SDK1: variants seen among roughly 807,000 people sequenced by gnomAD.
SDK1 encodes protein sidekick-1.
In SDK1, 157 loss-of-function variants were observed where a neutral mutation model predicts 245.5. That is an observed-to-expected ratio of 0.64 (90% CI 0.56 to 0.73). The LOEUF is 0.73. SDK1 is among the 30% of genes least tolerant of loss of function. The probability of loss-of-function intolerance (pLI) is 0.00; values close to 1 mark genes in which losing one functional copy is unlikely to be tolerated. For synonymous variants in SDK1, 1,647 were observed against 1,278.5 expected (o/e 1.29, Z -6.15); for missense variants, 3,583 against 3,002.3 (o/e 1.19, Z -4.52).
In SDK1 at chr7:4,208,259, C is replaced by G. The variant is rs768218051; in HGVS notation, c.5375C>G (p.Pro1792Arg). Reference sequence around the variant, plus strand: ...GCCGGAGATGGACCTAAGAGTGACCCCCAGCAGGGGCGCACCCACCAGGCC... The same window carrying G: ...GCCGGAGATGGACCTAAGAGTGACCGCCAGCAGGGGCGCACCCACCAGGCC... ...NAAGDGPKSD[P>R]QQGRTHQAAP... Residue 1792 changes from proline to arginine, a missense_variant, in exon 37 of 45, where the codon CCC becomes CGC. Transcript: ENST00000404826. 1.9e-6 allele frequency: 3 copies of G among 1,613,460 alleles called. No homozygotes were observed. In the African/African-American group the frequency reaches 4.0e-5, roughly 22 times the overall value.
At chr7:3,916,046 A>G (rs1013050977) in intron 5 of SDK1, among the ~76,000 whole-genome samples, 2 of 152,206 alleles carry the variant, frequency 1.3e-5, no homozygotes, top group Non-Finnish European at 1.5e-5. Flanking sequence ...CACCCAGGAA[A>G]AAGAAACACA....
chr7:3,468,470 A>C (rs1041633793), intron 1 of SDK1, among the ~76,000 whole-genome samples: 2 of 152,196 alleles, frequency 1.3e-5, no homozygotes, highest in African/African-American at 2.4e-5. Flanking sequence ...CATAGAAACC[A>C]GAACCCCTTT....
At chr7:3,986,524 A>G (rs1005894468) in intron 13 of SDK1, among the ~76,000 whole-genome samples, 1 of 152,366 alleles carries the variant, frequency 6.6e-6, no homozygotes, top group Admixed American at 6.5e-5. Flanking sequence ...ACCAGCTTCT[A>G]GTTGTAAAAA....
At position 3,736,280 on chromosome 7, in the gene SDK1, T is replaced by A. The variant is rs114254611; in HGVS notation, c.714-85170T>A. On this transcript the variant is annotated intron_variant, in intron 4 of 44. Transcript: ENST00000404826. ...ATTTTCTGTTCTTTTAAAAACTTTA[T>A]AATGAGACATTAAGGTTTTGTTTTG... 1.0e-3 allele frequency among the ~76,000 whole-genome samples: 159 copies of A among 152,308 alleles called. 1 individual carries two copies. The highest frequency in any genetic ancestry group is 3.7e-3 in the African/African-American group (154 of 41,552).
At chr7:3,863,587 C>G (rs191787109) in intron 5 of SDK1, among the ~76,000 whole-genome samples, 2 of 152,292 alleles carry the variant, frequency 1.3e-5, no homozygotes, top group East Asian at 1.9e-4. Flanking sequence ...CTTCATCATC[C>G]TCCCTCTTCA....
chr7:3,720,383 C>A (rs183825470), intron 4 of SDK1, among the ~76,000 whole-genome samples: 3 of 152,242 alleles, frequency 2.0e-5, no homozygotes, highest in Non-Finnish European at 4.4e-5. Context: ...ACTCTTAGAA[C>A]TCAACATTAA....
chr7:4,161,736 A>G, intron 31 of SDK1, 50 bp from the exon 32 acceptor site: 2 of 1,502,408 alleles, frequency 1.3e-6, no homozygotes, highest in East Asian at 2.3e-5. Context: ...GAAGGGCGGC[A>G]GAACATAACA....
At chr7:3,761,502 C>T (rs993988005) in intron 4 of SDK1, among the ~76,000 whole-genome samples, 8 of 148,796 alleles carry the variant, frequency 5.4e-5, no homozygotes, top group African/African-American at 1.7e-4. Context: ...TGCAGTGAGC[C>T]GAGATCATGC....
intron 14 of SDK1, among the ~76,000 whole-genome samples, chr7:3,999,024 T>A (rs1784878150): frequency 6.6e-6 from 1 of 152,196 alleles, no homozygotes; most frequent in African/African-American, 2.4e-5. Flanking sequence ...TTTGATTTTG[T>A]TTTTGTTTGT....
chr7:3,598,673 T>C (rs550493539), intron 1 of SDK1, among the ~76,000 whole-genome samples: 28 of 152,318 alleles, frequency 1.8e-4, no homozygotes, highest in South Asian at 1.2e-3. Context: ...TTCTATACTT[T>C]TGTCATTTCA....
intron 1 of SDK1, among the ~76,000 whole-genome samples, chr7:3,604,078 G>T (rs919000627): frequency 5.3e-5 from 8 of 152,098 alleles, no homozygotes; most frequent in Non-Finnish European, 1.2e-4. Context: ...GCTGGATTTC[G>T]GTTTGCCAGT....
At chr7:4,179,547 T>C (rs1221287369) in intron 35 of SDK1, among the ~76,000 whole-genome samples, 2 of 152,086 alleles carry the variant, frequency 1.3e-5, no homozygotes, top group South Asian at 2.1e-4. Flanking sequence ...TCAAGCGGTA[T>C]TTGCATACAA....
intron 4 of SDK1, among the ~76,000 whole-genome samples, chr7:3,705,815 G>C (rs1163330881): frequency 6.6e-6 from 1 of 151,992 alleles, no homozygotes; most frequent in Non-Finnish European, 1.5e-5. Context: ...AGTGGTGAAA[G>C]TGGTCATCCT....
At chr7:3,351,722 G>C (rs958618483) in intron 1 of SDK1, among the ~76,000 whole-genome samples, 2 of 152,148 alleles carry the variant, frequency 1.3e-5, no homozygotes, top group Non-Finnish European at 2.9e-5. Flanking sequence ...GTTCAGTTCA[G>C]ATATAGGTAC....
chr7:3,479,689 C>G (rs981631177), intron 1 of SDK1, among the ~76,000 whole-genome samples: 2 of 151,720 alleles, frequency 1.3e-5, no homozygotes, highest in Non-Finnish European at 2.9e-5. Context: ...TAGTGAAACC[C>G]TATTTCTACT....
intron 39 of SDK1, 79 bp from the exon 40 acceptor site, chr7:4,221,160 C>A (rs10261658): frequency 6.4e-6 from 10 of 1,554,928 alleles, no homozygotes; most frequent in East Asian, 2.3e-5. Context: ...GTCTGACCCC[C>A]CACTGTGAAA....
chr7:3,871,472 A>G (rs1780954957), intron 5 of SDK1, among the ~76,000 whole-genome samples: 1 of 152,222 alleles, frequency 6.6e-6, no homozygotes, highest in African/African-American at 2.4e-5. Context: ...GTGTTACTGT[A>G]AAGGAATACG....
intron 1 of SDK1, among the ~76,000 whole-genome samples, chr7:3,559,228 A>G (rs765308814): frequency 6.6e-5 from 10 of 152,228 alleles, no homozygotes; most frequent in Admixed American, 1.3e-4. Flanking sequence ...GCATGGATAT[A>G]TAATGGAGTA....
intron 32 of SDK1, among the ~76,000 whole-genome samples, chr7:4,168,210 C>T (rs988943193): frequency 4.6e-5 from 7 of 152,262 alleles, no homozygotes; most frequent in East Asian, 3.9e-4. Context: ...TCTGGGGGCA[C>T]GGCCGCCTGG....
Sources: gnomAD v4.1 joint callset for allele counts (sites outside exome capture counted in the v4.1 genomes callset) on GRCh38, gnomAD v4.1.1 for gene constraint, MANE v1.5 for transcripts, NCBI Gene and HGNC (gene_info 2026-07-23, HGNC 2026-07-21) for gene names.